The following PRORP variants were observed in gnomAD, a reference collection of about 807,000 sequenced individuals.
The protein encoded by PRORP is mitochondrial ribonuclease P catalytic subunit.
In PRORP, 51 loss-of-function variants were observed where a neutral mutation model predicts 59.4. The ratio of observed to expected loss-of-function variants is 0.86; its 90% CI spans 0.69 to 1.08. The LOEUF is 1.08. Ranked by LOEUF, PRORP falls within the 50% of genes least tolerant of loss-of-function variation. The pLI is 0.00. For synonymous variants in PRORP, 231 were observed against 245.6 expected, an observed-to-expected ratio of 0.94 and a Z score of 0.55; for missense variants, 646 against 690.3, an observed-to-expected ratio of 0.94 and a Z score of 0.72.
chr14:35,217,303 C>A (rs2049626903), intron 5 of PRORP, among the ~76,000 whole-genome samples: 1 of 151,974 alleles, frequency 6.6e-6, no homozygotes, highest in African/African-American at 2.4e-5. Context: ...GAGTTCTAGA[C>A]CAGCCTTGCC....
In PRORP at chr14:35,201,919, A is replaced by T. The variant is rs1173962841; in HGVS notation, c.1275+21142A>T. Among the ~76,000 whole-genome samples the T allele has an allele frequency of 2.6e-5, 4 of 151,104 alleles. No homozygotes were observed. In the East Asian group the frequency reaches 7.8e-4, roughly 29 times the overall value. Reference sequence around the variant, plus strand: ...ATGATCTGCCCACTTGGGCCTCCCAAGGTGCTGGGATTACAGGCATGAGTC... The same window carrying T: ...ATGATCTGCCCACTTGGGCCTCCCATGGTGCTGGGATTACAGGCATGAGTC... On this transcript the variant is annotated intron_variant, in intron 5 of 7. Transcript: ENST00000534898.
intron 5 of PRORP, among the ~76,000 whole-genome samples, chr14:35,230,115 C>G (rs1487029080): frequency 7.0e-6 from 1 of 143,134 alleles, no homozygotes; most frequent in African/African-American, 2.6e-5. Flanking sequence ...TGCAGTGGTG[C>G]AATCTCTGCT....
intron 4 of PRORP, among the ~76,000 whole-genome samples, chr14:35,177,167 C>A (rs1481958376): frequency 6.7e-6 from 1 of 149,338 alleles, no homozygotes; most frequent in African/African-American, 2.5e-5. Flanking sequence ...AGGATTTTTC[C>A]ATCGATGTTC....
Position 35,273,633 on chromosome 14 carries a change from C to A in PRORP, c.*67C>A. 1 of 1,484,192 alleles carries A rather than the reference C, an allele frequency of 6.7e-7. No homozygotes were observed. The highest frequency in any genetic ancestry group is 9.1e-7 in the Non-Finnish European group (1 of 1,099,732). 91.9% of individuals were successfully genotyped at this position (1,484,192 alleles called of 1,614,324 possible). A position where few individuals can be genotyped will look rare whatever the true frequency, so the allele number is the denominator to read the frequency against. ...TAGGTTGGCATCAGAGGCTCTTGAG[C>A]TGGTGTTTGTTTAGGGCATTGCCTC... On this transcript the variant is annotated 3_prime_UTR_variant, in exon 8 of 8. Coordinates refer to ENST00000534898, the MANE Select transcript of PRORP (RefSeq NM_014672.4).
chr14:35,209,272 T>C (rs1480140797), intron 5 of PRORP, among the ~76,000 whole-genome samples: 2 of 152,190 alleles, frequency 1.3e-5, no homozygotes, highest in Non-Finnish European at 2.9e-5. Flanking sequence ...CACCATACTT[T>C]AAGAGCTCAA....
At chr14:35,151,257 G>A (rs183433920) in intron 4 of PRORP, among the ~76,000 whole-genome samples, 3 of 151,754 alleles carry the variant, frequency 2.0e-5, no homozygotes, top group Non-Finnish European at 4.4e-5. Flanking sequence ...CGATTTTATT[G>A]CTTTTTCATT....
intron 4 of PRORP, among the ~76,000 whole-genome samples, chr14:35,175,751 C>A (rs933441077): frequency 6.6e-6 from 1 of 151,998 alleles, no homozygotes; most frequent in Non-Finnish European, 1.5e-5. Context: ...TTAATTAGAT[C>A]CCATTTGTCA....
intron 5 of PRORP, among the ~76,000 whole-genome samples, chr14:35,190,742 G>C (rs921093076): frequency 6.6e-6 from 1 of 151,986 alleles, no homozygotes; most frequent in Non-Finnish European, 1.5e-5. Flanking sequence ...CTGACCTCCT[G>C]ATCCGACTAC....
At chr14:35,252,459 T>A (rs1157437824) in intron 5 of PRORP, among the ~76,000 whole-genome samples, 1 of 151,986 alleles carries the variant, frequency 6.6e-6, no homozygotes, top group Non-Finnish European at 1.5e-5. Context: ...AAAAACAAAT[T>A]AAAAAGAAGG....
intron 4 of PRORP, among the ~76,000 whole-genome samples, chr14:35,147,636 TGTGGC>T (rs1356116759): frequency 6.6e-6 from 1 of 152,252 alleles, no homozygotes; most frequent in East Asian, 1.9e-4. Context: ...TGAGCCACTG[TGTGGC>T]AATTTCTTAA....
At chr14:35,199,221 G>C (rs1229189649) in intron 5 of PRORP, among the ~76,000 whole-genome samples, 4 of 151,548 alleles carry the variant, frequency 2.6e-5, no homozygotes, top group Non-Finnish European at 4.4e-5. Context: ...TGTAGTCCCA[G>C]CTACTCGGGA....
intron 5 of PRORP, among the ~76,000 whole-genome samples, chr14:35,232,516 G>C (rs1393224115): frequency 6.6e-6 from 1 of 152,066 alleles, no homozygotes; most frequent in African/African-American, 2.4e-5. Flanking sequence ...AACTTTTCTT[G>C]ACATACTTAG....
At chr14:35,235,725 G>T (rs547982252) in intron 5 of PRORP, 174 of 263,772 alleles carry the variant, frequency 6.6e-4, no homozygotes, top group Non-Finnish European at 1.0e-3. Context: ...TGTATATGGA[G>T]TACCTCATTT....
chr14:35,263,071 C>G (rs1337116821), intron 5 of PRORP: 3 of 1,375,618 alleles, frequency 2.2e-6, no homozygotes, highest in Non-Finnish European at 3.1e-6. Flanking sequence ...AAACAAGATG[C>G]CGGATGATTC....
intron 2 of PRORP, among the ~76,000 whole-genome samples, chr14:35,125,053 C>T (rs1305938315): frequency 2.6e-5 from 4 of 151,736 alleles, no homozygotes; most frequent in Admixed American, 6.6e-5. Flanking sequence ...TTAGTAGAGA[C>T]GGGGTTTCTC....
chr14:35,125,995 C>T (rs2047087974), intron 2 of PRORP, among the ~76,000 whole-genome samples: 1 of 152,124 alleles, frequency 6.6e-6, no homozygotes, highest in Non-Finnish European at 1.5e-5. Context: ...GCACTCCAAC[C>T]TGGGCGACAG....
chr14:35,172,453 C>CTTCTTTCT (rs1555324973), intron 4 of PRORP, among the ~76,000 whole-genome samples: 1,304 of 46,592 alleles, frequency 0.028, 92 homozygotes, highest in African/African-American at 0.073. Context: ...TCCTTCCTTC[C>CTTCTTTCT]TTCTTTCTTT....
At chr14:35,201,111 T>C (rs1356153509) in intron 5 of PRORP, among the ~76,000 whole-genome samples, 4 of 152,236 alleles carry the variant, frequency 2.6e-5, no homozygotes, top group African/African-American at 9.6e-5. Flanking sequence ...TTGTGGGTTT[T>C]GGGTAGGAAG....
intron 5 of PRORP, among the ~76,000 whole-genome samples, chr14:35,260,461 A>G (rs887255166): frequency 1.3e-5 from 2 of 152,192 alleles, no homozygotes; most frequent in African/African-American, 4.8e-5. Flanking sequence ...GTCTTATAGT[A>G]TAAGTTTATA....
Sources: gnomAD v4.1 joint callset for allele counts (sites outside exome capture counted in the v4.1 genomes callset) on GRCh38, gnomAD v4.1.1 for gene constraint, MANE v1.5 for transcripts, NCBI Gene and HGNC (gene_info 2026-07-23, HGNC 2026-07-21) for gene names.